Variants in WDR7 observed in about 807,000 individuals in gnomAD.
WDR7 encodes the protein WD repeat-containing protein 7.
WDR7 carries 46 observed loss-of-function variants against 169.4 expected under a neutral mutation model. The ratio of observed to expected loss-of-function variants is 0.27; its 90% CI spans 0.21 to 0.35. The LOEUF (loss-of-function observed/expected upper bound fraction) is 0.35. Ranked by LOEUF, WDR7 falls within the 10% of genes least tolerant of loss-of-function variation. The probability of loss-of-function intolerance (pLI) is 1.00; values close to 1 mark genes in which losing one functional copy is unlikely to be tolerated. For missense variants in WDR7, 1,534 were observed against 1,859.3 expected, an observed-to-expected ratio of 0.83 and a Z score of 3.22; for synonymous variants, 612 against 666.8, an observed-to-expected ratio of 0.92 and a Z score of 1.27.
intron 19 of WDR7, among the ~76,000 whole-genome samples, chr18:56,796,496 A>G (rs978308539): frequency 3.9e-5 from 6 of 152,206 alleles, no homozygotes; most frequent in African/African-American, 1.4e-4. Flanking sequence ...CTCAGCTGGT[A>G]TACAAAGATT....
In WDR7 at chr18:56,673,357, A is replaced by AT. The variant is rs537874874; in HGVS notation, c.159+689dup. Among the ~76,000 whole-genome samples, 182 of 152,296 alleles carry AT rather than the reference A, an allele frequency of 1.2e-3. No individual in the cohort carries two copies. In the Middle Eastern group the frequency reaches 0.014, roughly 11 times the overall value. ...ATGGAATGTGGGGTCAAGAAAGGTG[A>AT]TTTTTTAAATTACTTTTTTTGGATA... On this transcript the variant is annotated intron_variant, in intron 2 of 27. Transcript: ENST00000254442.
At chr18:56,733,438 T>C (rs1478382001) in intron 14 of WDR7, among the ~76,000 whole-genome samples, 4 of 152,236 alleles carry the variant, frequency 2.6e-5, no homozygotes, top group Middle Eastern at 6.8e-3. Context: ...AACAAACAAC[T>C]AAGAGCTTCT....
At chr18:56,993,157 A>G (rs1256990949) in intron 26 of WDR7, among the ~76,000 whole-genome samples, 1 of 152,228 alleles carries the variant, frequency 6.6e-6, no homozygotes, top group African/African-American at 2.4e-5. Flanking sequence ...AGATGAATAA[A>G]TTGGTCTCCT....
intron 21 of WDR7, among the ~76,000 whole-genome samples, chr18:56,923,454 A>G (rs1431047407): frequency 1.3e-5 from 2 of 152,258 alleles, no homozygotes; most frequent in East Asian, 3.8e-4. Context: ...AGCTTTTTCA[A>G]ACTACATGTT....
At chr18:56,708,156 C>T (rs557165716) in intron 12 of WDR7, among the ~76,000 whole-genome samples, 3 of 151,804 alleles carry the variant, frequency 2.0e-5, no homozygotes, top group South Asian at 4.2e-4. Context: ...GCCTCAGCCT[C>T]CTGAGTAGCT....
intron 26 of WDR7, among the ~76,000 whole-genome samples, chr18:56,970,862 T>C (rs1904541564): frequency 2.0e-5 from 3 of 152,238 alleles, no homozygotes; most frequent in Admixed American, 1.3e-4. Flanking sequence ...TGAGCACTGC[T>C]AAGTGAAAAG....
chr18:56,925,570 CT>C (rs1419097834), intron 22 of WDR7, among the ~76,000 whole-genome samples: 11 of 152,270 alleles, frequency 7.2e-5, no homozygotes, highest in Admixed American at 2.6e-4. Flanking sequence ...TCCTTGCTAA[CT>C]TTTTTTAAGA....
At position 56,723,690 on chromosome 18, in the gene WDR7, G is replaced by A. The variant is rs186639892; in HGVS notation, c.1774+5531G>A. On this transcript the variant is annotated intron_variant, in intron 13 of 27. Transcript: ENST00000254442. ...TTTTCTTTCTATTTCTTGTTCTTGG[G>A]GTTTGTTATACTTATTGGATCCGTG... Among the ~76,000 whole-genome samples, 13 of 151,920 alleles carry A rather than the reference G, an allele frequency of 8.6e-5. No homozygotes were observed. In the East Asian group the frequency reaches 2.1e-3, roughly 25 times the overall value.
chr18:56,849,413 C>T (rs2045611405), intron 20 of WDR7, among the ~76,000 whole-genome samples: 2 of 152,154 alleles, frequency 1.3e-5, no homozygotes, highest in African/African-American at 4.8e-5. Context: ...AGGCAATATT[C>T]CAAGGGATTT....
At chr18:56,827,861 TAAAA>T (rs896145998) in intron 20 of WDR7, among the ~76,000 whole-genome samples, 1 of 151,680 alleles carries the variant, frequency 6.6e-6, no homozygotes, top group Non-Finnish European at 1.5e-5. Flanking sequence ...ATGAAAAATT[TAAAA>T]AAAACAGCAA....
At chr18:56,676,509 G>A (rs975271019) in intron 2 of WDR7, among the ~76,000 whole-genome samples, 3 of 151,988 alleles carry the variant, frequency 2.0e-5, no homozygotes, top group African/African-American at 7.2e-5. Flanking sequence ...CAGGTGATAC[G>A]ATTTATTTTC....
chr18:56,991,369 T>A (rs1020092600), intron 26 of WDR7, among the ~76,000 whole-genome samples: 1 of 152,028 alleles, frequency 6.6e-6, no homozygotes. Context: ...ATGGTCTCGA[T>A]CTTCTGACCT....
At chr18:56,983,570 C>G (rs62098626) in intron 26 of WDR7, among the ~76,000 whole-genome samples, 3,274 of 60,860 alleles carry the variant, frequency 0.054, 55 homozygotes, top group Middle Eastern at 0.32. Context: ...CACACACACA[C>G]AGAGAGAGAG....
At chr18:56,716,956 T>TAAAC (rs2026206947) in intron 12 of WDR7, among the ~76,000 whole-genome samples, 2 of 152,204 alleles carry the variant, frequency 1.3e-5, no homozygotes, top group Non-Finnish European at 2.9e-5. Context: ...TATTGATCTT[T>TAAAC]AGTTTAAAAA....
chr18:56,821,771 G>A (rs1178426922), intron 20 of WDR7, among the ~76,000 whole-genome samples: 2 of 151,724 alleles, frequency 1.3e-5, no homozygotes, highest in African/African-American at 4.8e-5. Context: ...AAGGCAGGAG[G>A]ATTGCTTGAG....
At chr18:56,921,005 T>TA (rs1006255703) in intron 21 of WDR7, among the ~76,000 whole-genome samples, 4 of 152,186 alleles carry the variant, frequency 2.6e-5, no homozygotes, top group Admixed American at 2.0e-4. Flanking sequence ...TAATATTTTT[T>TA]AAAGGCTGGT....
At chr18:56,786,445 CT>C (rs1464478481) in intron 19 of WDR7, among the ~76,000 whole-genome samples, 2 of 151,912 alleles carry the variant, frequency 1.3e-5, no homozygotes, top group Non-Finnish European at 2.9e-5. Flanking sequence ...AGGAGAATTG[CT>C]TGAACCCGGG....
At chr18:56,890,759 CTTGT>C (rs762800425) in intron 21 of WDR7, 11 of 152,280 alleles carry the variant, frequency 7.2e-5, no homozygotes, top group Middle Eastern at 3.4e-3. Flanking sequence ...TCTTCTCTGA[CTTGT>C]TTGTTCTCAG....
chr18:57,020,610 T>C lies in WDR7; in HGVS notation c.4165-135T>C, dbSNP rs1367929119. ...TGTTGCTTTGCTTATTTTTCTAAGC[T>C]GATTTTATAAACAAAGAAGATAACA... On this transcript the variant is annotated intron_variant, in intron 26 of 27. Transcript: ENST00000254442. The C allele has an allele frequency of 7.5e-6, 6 of 801,834 alleles. No homozygotes were observed. In the Admixed American group the frequency reaches 1.6e-4, roughly 22 times the overall value. The allele number at this position is 801,834 out of a possible 1,614,324, so 49.7% of individuals were successfully genotyped here.
Sources: allele counts gnomAD v4.1 joint callset (sites outside exome capture counted in the v4.1 genomes callset), GRCh38; gene constraint gnomAD v4.1.1; transcripts MANE v1.5; gene names NCBI Gene and HGNC (gene_info 2026-07-23, HGNC 2026-07-21).